KCNN2: variants seen among roughly 807,000 people sequenced by gnomAD.
The protein encoded by KCNN2 is small conductance calcium-activated potassium channel protein 2.
KCNN2 carries 24 observed loss-of-function variants against 55.5 expected under a neutral mutation model. The ratio of observed to expected loss-of-function variants is 0.43; its 90% CI spans 0.31 to 0.61. The LOEUF (loss-of-function observed/expected upper bound fraction) is 0.61. Ranked by LOEUF, KCNN2 falls within the 20% of genes least tolerant of loss-of-function variation. The probability of loss-of-function intolerance (pLI) is 0.08; values close to 1 mark genes in which losing one functional copy is unlikely to be tolerated. For synonymous variants in KCNN2, 431 were observed against 336.1 expected (o/e 1.28, Z -3.09); for missense variants, 754 against 853.6 (o/e 0.88, Z 1.45).
intron 1 of KCNN2, among the ~76,000 whole-genome samples, chr5:114,068,722 A>G (rs1230785605): frequency 1.3e-5 from 2 of 152,206 alleles, no homozygotes; most frequent in Non-Finnish European, 2.9e-5. Flanking sequence ...GACATTGACC[A>G]AGGAAAGATA....
intron 1 of KCNN2, among the ~76,000 whole-genome samples, chr5:114,116,507 G>A (rs1417596730): frequency 6.6e-6 from 1 of 152,102 alleles, no homozygotes; most frequent in African/African-American, 2.4e-5. Context: ...TATAGTATAT[G>A]TAGAAAGGAT....
At chr5:114,282,897 C>T (rs1209252099) in intron 2 of KCNN2, among the ~76,000 whole-genome samples, 1 of 152,134 alleles carries the variant, frequency 6.6e-6, no homozygotes, top group Non-Finnish European at 1.5e-5. Context: ...AATGTTTATA[C>T]TTGCTCTGGC....
intron 1 of KCNN2, among the ~76,000 whole-genome samples, chr5:114,201,864 C>T (rs990454272): frequency 6.6e-6 from 1 of 151,800 alleles, no homozygotes; most frequent in African/African-American, 2.4e-5. Context: ...ACAGCTGCAG[C>T]CTTGTCAGCC....
chr5:114,359,352 A>G (rs144183426), upstream of KCNN2, among the ~76,000 whole-genome samples: 131 of 152,282 alleles, frequency 8.6e-4, no homozygotes, highest in Middle Eastern at 0.017. Flanking sequence ...ATTGCCATAA[A>G]TCTCAGTAGG....
chr5:114,062,237 G>A (rs190230490), intron 1 of KCNN2, among the ~76,000 whole-genome samples: 55 of 152,008 alleles, frequency 3.6e-4, no homozygotes, highest in Admixed American at 2.4e-3. Context: ...TTATCTTTGT[G>A]TAAGATACTA....
At chr5:114,252,434 C>A (rs1054780302) in intron 2 of KCNN2, among the ~76,000 whole-genome samples, 3 of 152,112 alleles carry the variant, frequency 2.0e-5, no homozygotes, top group Non-Finnish European at 4.4e-5. Context: ...GGAATACCTA[C>A]CACATTCCAG....
intron 1 of KCNN2, among the ~76,000 whole-genome samples, chr5:114,150,406 A>C (rs1288800566): frequency 6.6e-6 from 1 of 152,344 alleles, no homozygotes; most frequent in Admixed American, 6.5e-5. Context: ...CTTCACTTCC[A>C]TTCTTTTGCC....
intron 1 of KCNN2, among the ~76,000 whole-genome samples, chr5:114,124,182 T>G (rs1029811692): frequency 6.6e-6 from 1 of 152,232 alleles, no homozygotes; most frequent in Non-Finnish European, 1.5e-5. Flanking sequence ...ATAAATGGAT[T>G]GAAATTATCA....
chr5:114,322,226 A>T (rs896858560), intron 2 of KCNN2, among the ~76,000 whole-genome samples: 3 of 152,344 alleles, frequency 2.0e-5, no homozygotes, highest in Admixed American at 1.3e-4. Context: ...AAATGACAGA[A>T]TGTTGGGGCT....
intron 1 of KCNN2, among the ~76,000 whole-genome samples, chr5:114,091,246 A>T (rs1175460593): frequency 6.6e-6 from 1 of 152,008 alleles, no homozygotes; most frequent in Non-Finnish European, 1.5e-5. Flanking sequence ...CTTCCACTTC[A>T]GTGGCTGGTT....
At chr5:114,132,246 G>C (rs1267711110) in intron 1 of KCNN2, among the ~76,000 whole-genome samples, 1 of 152,128 alleles carries the variant, frequency 6.6e-6, no homozygotes, top group Non-Finnish European at 1.5e-5. Flanking sequence ...TTTTCTTCTA[G>C]GGCTTTTATG....
chr5:114,454,415 G>GTTTA (rs759467189), intron 3 of KCNN2, among the ~76,000 whole-genome samples: 9 of 152,254 alleles, frequency 5.9e-5, no homozygotes, highest in Admixed American at 4.6e-4. Context: ...AAGGGTAAGG[G>GTTTA]TTTACTGTTT....
At chr5:114,127,091 G>A (rs1191732353) in intron 1 of KCNN2, among the ~76,000 whole-genome samples, 1 of 152,162 alleles carries the variant, frequency 6.6e-6, no homozygotes, top group Non-Finnish European at 1.5e-5. Context: ...GCTTTCATGA[G>A]CTGGCATTGA....
chr5:114,100,733 C>T (rs1051402370), intron 1 of KCNN2, among the ~76,000 whole-genome samples: 5 of 151,950 alleles, frequency 3.3e-5, no homozygotes, highest in African/African-American at 4.8e-5. Flanking sequence ...TTATGGATTC[C>T]GGGTCAGAGG....
intron 3 of KCNN2, among the ~76,000 whole-genome samples, chr5:114,423,773 A>T (rs1195313674): frequency 1.3e-5 from 2 of 152,194 alleles, no homozygotes; most frequent in East Asian, 3.9e-4. Context: ...ACAGGTCATT[A>T]AGTCATAATT....
chr5:114,131,656 A>G (rs1752075090), intron 1 of KCNN2, among the ~76,000 whole-genome samples: 1 of 152,164 alleles, frequency 6.6e-6, no homozygotes, highest in African/African-American at 2.4e-5. Flanking sequence ...CAGTAATGGG[A>G]TTGCTGGGTC....
upstream of KCNN2, among the ~76,000 whole-genome samples, chr5:114,360,393 A>G (rs866028602): frequency 6.6e-6 from 1 of 152,214 alleles, no homozygotes; most frequent in East Asian, 1.9e-4. Flanking sequence ...GAGAATTCCA[A>G]TTACCTAATG....
At chr5:114,105,530 A>C in intron 1 of KCNN2, among the ~76,000 whole-genome samples, 1 of 152,212 alleles carries the variant, frequency 6.6e-6, no homozygotes, top group South Asian at 2.1e-4. Flanking sequence ...GGGAGTCCTA[A>C]AAACATTAAG....
chr5:114,424,257 G>C (rs1174837000), intron 3 of KCNN2, among the ~76,000 whole-genome samples: 1 of 152,106 alleles, frequency 6.6e-6, no homozygotes, highest in Non-Finnish European at 1.5e-5. Context: ...TTTCACTAAT[G>C]CTCTGAACTG....
Sources: allele counts gnomAD v4.1 joint callset (sites outside exome capture counted in the v4.1 genomes callset), GRCh38; gene constraint gnomAD v4.1.1; transcripts MANE v1.5; gene names NCBI Gene and HGNC (gene_info 2026-07-23, HGNC 2026-07-21).